RELCH: variants seen among roughly 807,000 people sequenced by gnomAD.
The protein encoded by RELCH is RAB11 binding and LisH domain, coiled-coil and HEAT repeat containing, also known as RAB11-binding protein RELCH.
In RELCH, 41 loss-of-function variants were observed where a neutral mutation model predicts 150.3. That is an observed-to-expected ratio of 0.27 (90% CI 0.21 to 0.35). RELCH has a LOEUF of 0.35. Ranked by LOEUF, RELCH falls within the 10% of genes least tolerant of loss-of-function variation. The pLI, the probability that RELCH is intolerant of heterozygous loss-of-function variation, is 1.00. For missense variants in RELCH, 1,092 were observed against 1,467.8 expected (o/e 0.74, Z 4.18); for synonymous variants, 478 against 531.8 (o/e 0.90, Z 1.39).
intron 2 of RELCH, among the ~76,000 whole-genome samples, chr18:62,211,925 G>A (rs1425566953): frequency 6.6e-6 from 1 of 152,140 alleles, no homozygotes; most frequent in Admixed American, 6.5e-5. Flanking sequence ...AAAAAAAAGA[G>A]GGTTAAAGAG....
rs184563837 is a variant in RELCH at position 62,190,361 on chromosome 18, G to A, written c.526+2330G>A. ...TGGGAGGATGAGGCAGCCAGATCAC[G>A]AGGTCAGGATTTCGAGACCAGCCTG... On this transcript the variant is annotated intron_variant, in intron 1 of 28. Coordinates refer to ENST00000644646, the MANE Select transcript of RELCH (RefSeq NM_001346231.2). Among the ~76,000 whole-genome samples, 350 of 152,214 alleles carry A rather than the reference G, an allele frequency of 2.3e-3. 4 individuals are homozygous for A. The highest frequency in any genetic ancestry group is 7.8e-3 in the African/African-American group (326 of 41,534).
At chr18:62,215,505 A>C (rs2040424201) in intron 2 of RELCH, among the ~76,000 whole-genome samples, 1 of 152,132 alleles carries the variant, frequency 6.6e-6, no homozygotes, top group Admixed American at 6.5e-5. Context: ...ATTTTTTCAC[A>C]TCTGCACACA....
At chr18:62,256,748 T>C (rs1477689036) in intron 13 of RELCH, among the ~76,000 whole-genome samples, 2 of 152,022 alleles carry the variant, frequency 1.3e-5, no homozygotes, top group East Asian at 3.9e-4. Flanking sequence ...CTAAAACTGA[T>C]TGCCACAGTT....
At chr18:62,297,660 C>T (rs1276033608) in intron 27 of RELCH, among the ~76,000 whole-genome samples, 1 of 152,070 alleles carries the variant, frequency 6.6e-6, no homozygotes, top group Non-Finnish European at 1.5e-5. Context: ...CCCCAAAGTC[C>T]TTATCATAAT....
intron 1 of RELCH, among the ~76,000 whole-genome samples, chr18:62,195,278 C>CTG (rs1491143110): frequency 1.5e-4 from 17 of 113,162 alleles, no homozygotes; most frequent in South Asian, 2.8e-4. Flanking sequence ...TATACACACA[C>CTG]TCTGTGTGTG....
intron 5 of RELCH, among the ~76,000 whole-genome samples, chr18:62,225,637 AC>A (rs1269096523): frequency 6.6e-6 from 1 of 152,036 alleles, no homozygotes; most frequent in African/African-American, 2.4e-5. Flanking sequence ...ACATTGAGAT[AC>A]CACAACACGT....
chr18:62,267,826 ATTAG>A (rs2043670997), intron 19 of RELCH, among the ~76,000 whole-genome samples: 1 of 152,034 alleles, frequency 6.6e-6, no homozygotes, highest in South Asian at 2.1e-4. Context: ...TTTTGGAATT[ATTAG>A]TTAGCCATGA....
intron 23 of RELCH, chr18:62,280,375 A>G: frequency 6.2e-7 from 1 of 1,613,970 alleles, no homozygotes; most frequent in Non-Finnish European, 8.5e-7. Flanking sequence ...TCTTCGAGGC[A>G]TGAGTGAAGC....
At chr18:62,263,162 T>A (rs2043361886) in intron 16 of RELCH, among the ~76,000 whole-genome samples, 1 of 152,002 alleles carries the variant, frequency 6.6e-6, no homozygotes, top group African/African-American at 2.4e-5. Flanking sequence ...AAGATCCCAT[T>A]CTGAGATACT....
At chr18:62,213,846 A>C (rs780503334) in intron 2 of RELCH, among the ~76,000 whole-genome samples, 1 of 152,046 alleles carries the variant, frequency 6.6e-6, no homozygotes, top group Non-Finnish European at 1.5e-5. Flanking sequence ...CACTGTGTAC[A>C]TAACGTTTTC....
At chr18:62,267,428 A>ATATG (rs1161973680) in intron 19 of RELCH, among the ~76,000 whole-genome samples, 2 of 138,296 alleles carry the variant, frequency 1.4e-5, no homozygotes, top group South Asian at 2.3e-4. Flanking sequence ...GTCTAGGTAT[A>ATATG]TATGTATGTG....
intron 10 of RELCH, among the ~76,000 whole-genome samples, chr18:62,235,701 G>C (rs1318810066): frequency 6.6e-6 from 1 of 151,866 alleles, no homozygotes; most frequent in African/African-American, 2.4e-5. Flanking sequence ...TGTTCTCTTG[G>C]ATGGTATTGT....
chr18:62,301,996 C>T (rs1464846170), intron 28 of RELCH, among the ~76,000 whole-genome samples: 1 of 152,142 alleles, frequency 6.6e-6, no homozygotes, highest in Non-Finnish European at 1.5e-5. Context: ...AGTGGAGGAA[C>T]CAGAACCCAG....
chr18:62,252,690 C>T lies in RELCH; in HGVS notation c.1760C>T (p.Ala587Val). The T allele has an allele frequency of 6.2e-7, 1 of 1,613,896 alleles. No individual in the cohort carries two copies. The highest frequency in any genetic ancestry group is 8.5e-7 in the Non-Finnish European group (1 of 1,179,892). ...QRQMILTGCV[A>V]FARHVGPTRV... ...CAAATGATACTGACAGGTTGTGTGG[C>T]ATTTGCGCGTCATGTTGGACCAACA... Residue 587 changes from alanine (A) to valine (V), a missense_variant, in exon 12 of 29, where the codon GCA (alanine) becomes GTA (valine). This residue lies in a region of RELCH where 707 missense variants were observed against 1,025.4 expected (regional missense o/e 0.69). Transcript: ENST00000644646.
At chr18:62,255,689 T>C (rs1478576754) in intron 13 of RELCH, among the ~76,000 whole-genome samples, 2 of 152,068 alleles carry the variant, frequency 1.3e-5, no homozygotes, top group African/African-American at 4.8e-5. Flanking sequence ...AGTATAAATA[T>C]ATTAAACTAT....
chr18:62,200,220 T>G (rs536406304), intron 1 of RELCH, among the ~76,000 whole-genome samples: 1 of 152,304 alleles, frequency 6.6e-6, no homozygotes, highest in South Asian at 2.1e-4. Context: ...ACAGATTAAT[T>G]TTTTAACCTT....
Position 62,305,693 on chromosome 18 carries a change from C to A in RELCH, c.*159C>A. The A allele has an allele frequency of 1.5e-6, 1 of 659,930 alleles. No individual in the cohort carries two copies. The highest frequency in any genetic ancestry group is 2.3e-6 in the Non-Finnish European group (1 of 440,564). 40.9% of individuals were successfully genotyped at this position (659,930 alleles called of 1,614,324 possible). ...ATATTTGCACTGCTTTTAATTACTG[C>A]TGTATATTTGTTGATTTTGGAGTTA... On this transcript the variant is annotated 3_prime_UTR_variant, in exon 29 of 29. Coordinates refer to ENST00000644646, the MANE Select transcript of RELCH (RefSeq NM_001346231.2). This position sits in a 1 kb window ranked among gnomAD's most constrained non-coding sequence, Gnocchi z 4.0.
intron 2 of RELCH, 111 bp from the exon 3 acceptor site, chr18:62,220,925 CA>C (rs905178966): frequency 9.2e-6 from 8 of 871,574 alleles, no homozygotes; most frequent in African/African-American, 8.5e-5. Flanking sequence ...TTTCTGTTTT[CA>C]ATACAAATTG....
intron 10 of RELCH, 134 bp downstream of exon 10, chr18:62,232,561 G>A: frequency 3.3e-6 from 2 of 607,756 alleles, no homozygotes; most frequent in Non-Finnish European, 6.0e-6. Flanking sequence ...TTTTGTGCAT[G>A]CATCTCTGCT....
Sources: allele counts gnomAD v4.1 joint callset (sites outside exome capture counted in the v4.1 genomes callset), GRCh38; gene constraint gnomAD v4.1.1; regional missense constraint gnomAD v4.1.1; non-coding constraint Gnocchi (gnomAD v3.1); transcripts MANE v1.5; gene names NCBI Gene and HGNC (gene_info 2026-07-23, HGNC 2026-07-21).